The following ZNF559 variants were observed in gnomAD, a reference collection of about 807,000 sequenced individuals.
ZNF559 encodes the protein zinc finger protein 559.
In ZNF559, 17 loss-of-function variants were observed where a neutral mutation model predicts 14.2. The observed-to-expected ratio is 1.20, with a 90% CI of 0.82 to 1.80. The LOEUF is 1.80. ZNF559 is among the 40% of genes most tolerant of loss of function. The pLI is 0.00. For missense variants in ZNF559, 740 were observed against 629.7 expected, an observed-to-expected ratio of 1.18 and a Z score of -1.88; for synonymous variants, 244 against 212.4, an observed-to-expected ratio of 1.15 and a Z score of -1.29.
Position 9,341,299 on chromosome 19 carries a change from C to A in ZNF559, c.243+115C>A, listed in dbSNP as rs562980415. On this transcript the variant is annotated intron_variant, in intron 6 of 6. Transcript: ENST00000603380. ...GACATTTGAGACTAGTGTTTTTCAC[C>A]CAAAAATAATCTGTCTCTTGGAGAG... The A allele has an allele frequency of 7.2e-5, 73 of 1,016,236 alleles. 2 individuals carry two copies. In the South Asian group the frequency reaches 7.6e-4, roughly 11 times the overall value. The allele number at this position is 1,016,236 out of a possible 1,614,324, so 63.0% of individuals were successfully genotyped here. A position where few individuals can be genotyped will look rare whatever the true frequency, so the allele number is the denominator to read the frequency against.
At chr19:9,327,464 G>A (rs536334602) in intron 2 of ZNF559, among the ~76,000 whole-genome samples, 1 of 152,230 alleles carries the variant, frequency 6.6e-6, no homozygotes, top group Non-Finnish European at 1.5e-5. Flanking sequence ...GGTCAGGCTG[G>A]TCTCGAACTC....
chr19:9,328,616 C>G (rs2066767972), intron 2 of ZNF559, among the ~76,000 whole-genome samples: 1 of 152,022 alleles, frequency 6.6e-6, no homozygotes, highest in South Asian at 2.1e-4. Flanking sequence ...CTCAGGTGAT[C>G]CACCTGCCTC....
At chr19:9,339,369 G>T in intron 5 of ZNF559, 50 bp downstream of exon 5, 1 of 1,553,790 alleles carries the variant, frequency 6.4e-7, no homozygotes, top group Non-Finnish European at 8.7e-7. Flanking sequence ...GAACAAATGT[G>T]TCTTAAGTAA....
In ZNF559 at chr19:9,345,007, C is replaced by G. The variant is rs143507845; in HGVS notation, c.*1939C>G. ...TCATGCCCTTTTATAATTTCTTCTT[C>G]TCCTCACCCTTCCCTGCCTGTCACT... On this transcript the variant is annotated 3_prime_UTR_variant, in exon 7 of 7. Transcript: ENST00000603380. The G allele has an allele frequency of 6.6e-6, 1 of 150,832 alleles. No individual in the cohort carries two copies. Among genetic ancestry groups the G allele is most frequent in the Non-Finnish European group, 1.5e-5 (1 of 67,844 alleles). 9.3% of individuals were successfully genotyped at this position (150,832 alleles called of 1,614,324 possible). A position where few individuals can be genotyped will look rare whatever the true frequency, so the allele number is the denominator to read the frequency against.
intron 2 of ZNF559, among the ~76,000 whole-genome samples, chr19:9,326,752 T>G (rs2066629008): frequency 6.6e-6 from 1 of 152,212 alleles, no homozygotes; most frequent in Non-Finnish European, 1.5e-5. Flanking sequence ...CACACTTCTT[T>G]TGTACTAAGT....
chr19:9,329,961 CTGTT>C (rs2066850836), intron 2 of ZNF559, among the ~76,000 whole-genome samples: 1 of 152,182 alleles, frequency 6.6e-6, no homozygotes, highest in Admixed American at 6.5e-5. Context: ...CGTGCCCCAC[CTGTT>C]TGTTTTAACC....
At chr19:9,324,388 CTG>C (rs2066447867) in intron 1 of ZNF559, 160 bp downstream of exon 1, 2 of 1,482,996 alleles carry the variant, frequency 1.3e-6, no homozygotes, top group Non-Finnish European at 1.8e-6. Context: ...GGCCCCTCCT[CTG>C]AGAGCCACAG....
chr19:9,341,052 T>TA, intron 5 of ZNF559, 50 bp from the exon 6 acceptor site: 1 of 1,451,318 alleles, frequency 6.9e-7, no homozygotes, highest in Admixed American at 2.0e-5. Context: ...ACACCCTTTT[T>TA]AAAATCATTA....
intron 2 of ZNF559, among the ~76,000 whole-genome samples, chr19:9,334,083 C>G (rs751833600): frequency 1.8e-4 from 28 of 152,210 alleles, no homozygotes; most frequent in Non-Finnish European, 3.5e-4. Context: ...GCATTGTGTT[C>G]CAAATTTGAA....
upstream of ZNF559, chr19:9,324,146 C>G (rs921501643): frequency 3.3e-6 from 5 of 1,535,666 alleles, no homozygotes; most frequent in Middle Eastern, 1.7e-4. Context: ...TGGTCCTAGC[C>G]TTTGCGCGTG....
intron 5 of ZNF559, among the ~76,000 whole-genome samples, chr19:9,340,224 T>C (rs1364265107): frequency 1.3e-5 from 2 of 151,950 alleles, no homozygotes; most frequent in Non-Finnish European, 2.9e-5. Context: ...AAAAGACAGA[T>C]GTGATTATTT....
chr19:9,335,300 C>CA (rs992637461), intron 2 of ZNF559, among the ~76,000 whole-genome samples: 2 of 151,912 alleles, frequency 1.3e-5, no homozygotes, highest in African/African-American at 2.4e-5. Flanking sequence ...CAATCTCTGC[C>CA]AAAAAAATTT....
At position 9,342,621 on chromosome 19, in the gene ZNF559, TATTA is replaced by T. The variant is rs745537764; in HGVS notation, c.1174_1177del (p.Asn392ProfsTer14). The T allele has an allele frequency of 1.1e-5, 18 of 1,614,126 alleles. No individual in the cohort carries two copies. The highest frequency in any genetic ancestry group is 4.5e-5 in the East Asian group (2 of 44,878). ...AATGTAAGGAATGTGGAAAAGCCTTTATTAATTCCTCTTCCTTTAAAAGTCACAT... is the reference window on the plus strand; with the variant it reads ...AATGTAAGGAATGTGGAAAAGCCTTTATTCCTCTTCCTTTAAAAGTCACAT... On this transcript the variant is annotated frameshift_variant, in exon 7 of 7. Transcript: ENST00000603380. LOFTEE classifies it low-confidence loss of function (END_TRUNC).
chr19:9,326,291 G>A (rs568262894), intron 2 of ZNF559, among the ~76,000 whole-genome samples: 7 of 151,908 alleles, frequency 4.6e-5, no homozygotes, highest in Non-Finnish European at 8.8e-5. Flanking sequence ...ATTTTTAGTA[G>A]AGACAGGGTT....
In ZNF559 at chr19:9,339,285, G is replaced by A. The variant is rs2122210321; in HGVS notation, c.126G>A (p.Val42=). The change falls in exon 5 of 7, where the codon GTG becomes GTA. Residue 42 remains valine (V), a synonymous_variant. Transcript: ENST00000603380. ...CTCAGAGAAACTTATACAGAGATGT[G>A]ATGCTGGAGAACTATAAGAATCTAG... ...DQTQRNLYRD[V]MLENYKNLVA... The A allele has an allele frequency of 6.2e-7, 1 of 1,613,844 alleles. No homozygotes were observed. The highest frequency in any genetic ancestry group is 8.5e-7 in the Non-Finnish European group (1 of 1,179,864).
chr19:9,343,145 T>C lies in ZNF559; in HGVS notation c.*77T>C. On this transcript the variant is annotated 3_prime_UTR_variant, in exon 7 of 7. Transcript: ENST00000603380. ...TTACTGAACATGTACTCATTCATAG[T>C]GGCAATGTACACAGTCATAAGGAAT... 1 of 1,536,518 alleles carries C rather than the reference T, an allele frequency of 6.5e-7. No individual in the cohort carries two copies. Among genetic ancestry groups the C allele is most frequent in the Non-Finnish European group, 8.7e-7 (1 of 1,149,300 alleles).
chr19:9,325,148 G>A (rs1048546184), intron 2 of ZNF559, among the ~76,000 whole-genome samples: 1 of 152,092 alleles, frequency 6.6e-6, no homozygotes, highest in Non-Finnish European at 1.5e-5. Flanking sequence ...TTACTCATTT[G>A]AAAGTCTTAC....
chr19:9,324,622 C>G (rs978703904), intron 1 of ZNF559, 73 bp from the exon 2 acceptor site: 1 of 986,354 alleles, frequency 1.0e-6, no homozygotes, highest in African/African-American at 2.4e-5. Flanking sequence ...AGGGAGACCC[C>G]CCCCCCCAAC....
chr19:9,333,388 T>G (rs1290136539), intron 2 of ZNF559, among the ~76,000 whole-genome samples: 1 of 152,220 alleles, frequency 6.6e-6, no homozygotes, highest in Non-Finnish European at 1.5e-5. Context: ...TAGTGTTTTT[T>G]CTTTTAATGA....
Sources: allele counts gnomAD v4.1 joint callset (sites outside exome capture counted in the v4.1 genomes callset), GRCh38; gene constraint gnomAD v4.1.1; transcripts MANE v1.5; gene names NCBI Gene and HGNC (gene_info 2026-07-23, HGNC 2026-07-21).